ROBO1: variants seen among roughly 807,000 people sequenced by gnomAD.
The protein encoded by ROBO1 is roundabout guidance receptor 1.
In ROBO1, 149 loss-of-function variants were observed where a neutral mutation model predicts 195.9. The observed-to-expected ratio is 0.76, with a 90% CI of 0.67 to 0.87. The LOEUF (loss-of-function observed/expected upper bound fraction) is 0.87, where lower values mean the gene tolerates loss of function less well. Among genes scored for constraint, ROBO1 ranks in the 40% least tolerant of loss-of-function variants. The probability of loss-of-function intolerance (pLI) is 0.00; values close to 1 mark genes in which losing one functional copy is unlikely to be tolerated. For synonymous variants in ROBO1, 816 were observed against 733.2 expected, an observed-to-expected ratio of 1.11 and a Z score of -1.82; for missense variants, 1,933 against 2,068.3, an observed-to-expected ratio of 0.93 and a Z score of 1.27.
chr3:78,668,022 G>A lies in ROBO1; in HGVS notation c.1827C>T (p.Thr609=), dbSNP rs376787370. 5.6e-6 allele frequency: 9 copies of A among 1,613,486 alleles called. No homozygotes were observed. The highest frequency in any genetic ancestry group is 2.2e-5 in the East Asian group (1 of 44,858). The change falls in exon 14 of 31, where the codon ACC becomes ACT. Residue 609 remains threonine, a synonymous_variant. Coordinates refer to ENST00000464233, the MANE Select transcript of ROBO1 (RefSeq NM_002941.4). ...FSHASGSSWQ[T]VAENVKTETS... The stretch of plus-strand genomic sequence containing the variant: ...TTTCTGTTTTCACATTCTCTGCTAC[G>A]GTCTGCCAGCTGCTACCAGATGCAT...
intron 3 of ROBO1, among the ~76,000 whole-genome samples, chr3:79,082,911 C>T (rs1676795800): frequency 6.6e-6 from 1 of 152,174 alleles, no homozygotes; most frequent in Admixed American, 6.5e-5. Context: ...AGGAACGAAA[C>T]TGTCCTTATC....
At chr3:79,766,635 A>G (rs1402879899) in intron 1 of ROBO1, among the ~76,000 whole-genome samples, 1 of 151,952 alleles carries the variant, frequency 6.6e-6, no homozygotes, top group Admixed American at 6.5e-5. Context: ...AGTTTTCCGC[A>G]TCGGCCGCCC....
At chr3:79,367,517 C>T (rs1047065782) in intron 2 of ROBO1, among the ~76,000 whole-genome samples, 1 of 152,184 alleles carries the variant, frequency 6.6e-6, no homozygotes, top group Non-Finnish European at 1.5e-5. Flanking sequence ...CTTAGAAGAT[C>T]CCCCACACAG....
chr3:79,400,729 G>C (rs2037339177), intron 2 of ROBO1, among the ~76,000 whole-genome samples: 1 of 151,776 alleles, frequency 6.6e-6, no homozygotes, highest in Non-Finnish European at 1.5e-5. Flanking sequence ...GAGATATAAA[G>C]GCTCTATTTG....
At chr3:78,781,933 A>G (rs1192272710) in intron 4 of ROBO1, among the ~76,000 whole-genome samples, 1 of 152,144 alleles carries the variant, frequency 6.6e-6, no homozygotes, top group Non-Finnish European at 1.5e-5. Context: ...GCAAATAAGT[A>G]GGTATGAAAC....
intron 2 of ROBO1, among the ~76,000 whole-genome samples, chr3:79,483,094 T>C (rs1427727541): frequency 1.3e-5 from 2 of 152,182 alleles, no homozygotes; most frequent in Non-Finnish European, 2.9e-5. Context: ...TCATGTAAAA[T>C]ATATAAACTT....
At chr3:78,783,154 G>A (rs2083730232) in intron 4 of ROBO1, among the ~76,000 whole-genome samples, 1 of 152,070 alleles carries the variant, frequency 6.6e-6, no homozygotes, top group Non-Finnish European at 1.5e-5. Context: ...TATTGCAAGT[G>A]GTGAAGTCTG....
At chr3:79,125,769 C>A (rs1488454860) in intron 2 of ROBO1, among the ~76,000 whole-genome samples, 2 of 152,196 alleles carry the variant, frequency 1.3e-5, no homozygotes, top group Admixed American at 6.5e-5. Flanking sequence ...TTCCCTAATT[C>A]TCTGCCCTGC....
At chr3:79,687,778 T>C (rs2107043516) in intron 1 of ROBO1, among the ~76,000 whole-genome samples, 1 of 152,280 alleles carries the variant, frequency 6.6e-6, no homozygotes, top group East Asian at 1.9e-4. Context: ...GGTGGGACCG[T>C]AAACTAGTTC....
intron 1 of ROBO1, among the ~76,000 whole-genome samples, chr3:79,611,850 C>T (rs796912439): frequency 1.3e-5 from 2 of 151,818 alleles, no homozygotes; most frequent in African/African-American, 2.4e-5. Flanking sequence ...AAAAAACCTG[C>T]GCATTCTGCA....
chr3:78,917,675 C>T (rs1399414231), intron 4 of ROBO1, among the ~76,000 whole-genome samples: 2 of 152,220 alleles, frequency 1.3e-5, no homozygotes, highest in Non-Finnish European at 1.5e-5. Context: ...CTTAAACATC[C>T]GGAACCTTTA....
intron 2 of ROBO1, among the ~76,000 whole-genome samples, chr3:79,355,199 C>G (rs1348302265): frequency 6.6e-6 from 1 of 151,708 alleles, no homozygotes; most frequent in Non-Finnish European, 1.5e-5. Context: ...AAAAAAAAAC[C>G]ATGCAAATGA....
intron 3 of ROBO1, among the ~76,000 whole-genome samples, chr3:79,027,525 G>A (rs1468291740): frequency 6.6e-6 from 1 of 151,940 alleles, no homozygotes; most frequent in African/African-American, 2.4e-5. Context: ...AAATACGGAA[G>A]GGCTCAGTCT....
At chr3:79,273,402 C>A (rs140269797) in intron 2 of ROBO1, among the ~76,000 whole-genome samples, 1 of 152,068 alleles carries the variant, frequency 6.6e-6, no homozygotes, top group East Asian at 1.9e-4. Flanking sequence ...AGTTTTCTCT[C>A]TGTTACTTTG....
At chr3:79,114,441 C>T (rs2079952304) in intron 3 of ROBO1, among the ~76,000 whole-genome samples, 1 of 152,142 alleles carries the variant, frequency 6.6e-6, no homozygotes, top group Non-Finnish European at 1.5e-5. Context: ...CACTATGTTA[C>T]CTAAGAGCTA....
intron 2 of ROBO1, among the ~76,000 whole-genome samples, chr3:79,527,188 T>A (rs1291390598): frequency 6.6e-6 from 1 of 152,168 alleles, no homozygotes; most frequent in African/African-American, 2.4e-5. Context: ...ATGATATCAA[T>A]AGCTCAATGT....
chr3:78,899,277 C>T (rs1052803052), intron 4 of ROBO1, among the ~76,000 whole-genome samples: 9 of 152,156 alleles, frequency 5.9e-5, no homozygotes, highest in Non-Finnish European at 1.2e-4. Context: ...TGCTGTGTGA[C>T]TTCATGTACC....
chr3:79,574,896 T>A (rs972275991), intron 2 of ROBO1, among the ~76,000 whole-genome samples: 8 of 151,254 alleles, frequency 5.3e-5, no homozygotes, highest in Non-Finnish European at 1.0e-4. Context: ...AACAAAAAAA[T>A]TATGCTTTTT....
intron 4 of ROBO1, 71 bp downstream of exon 4, chr3:78,938,530 T>C: frequency 7.3e-7 from 1 of 1,362,908 alleles, no homozygotes; most frequent in Non-Finnish European, 1.0e-6. Flanking sequence ...CGACTTTTCA[T>C]TGCCATGATC....
Sources: gnomAD v4.1 joint callset for allele counts (sites outside exome capture counted in the v4.1 genomes callset) on GRCh38, gnomAD v4.1.1 for gene constraint, MANE v1.5 for transcripts, NCBI Gene and HGNC (gene_info 2026-07-23, HGNC 2026-07-21) for gene names.